Variants in STIL observed in about 807,000 individuals in gnomAD.
STIL encodes STIL centriolar assembly protein.
A neutral mutation model predicts 110.1 loss-of-function variants in STIL; 55 were observed. The observed-to-expected ratio is 0.50, with a 90% confidence interval of 0.40 to 0.63. The LOEUF is 0.63. STIL is among the 20% of genes least tolerant of loss of function. The pLI is 0.00. For synonymous variants in STIL, 481 were observed against 530.0 expected, an observed-to-expected ratio of 0.91 and a Z score of 1.27; for missense variants, 1,358 against 1,530.0, an observed-to-expected ratio of 0.89 and a Z score of 1.87.
intron 2 of STIL, among the ~76,000 whole-genome samples, chr1:47,308,427 G>GC (rs1553183457): frequency 2.0e-5 from 3 of 148,542 alleles, no homozygotes; most frequent in Non-Finnish European, 3.0e-5. Flanking sequence ...AAAGAAAATG[G>GC]AAAAAAAAAA....
rs187325507 is a variant in STIL, at chr1:47,309,016, C to A, written c.44+1260G>T. On this transcript the variant is annotated intron_variant, in intron 2 of 16. Coordinates refer to ENST00000371877, the MANE Select transcript of STIL (RefSeq NM_001048166.1). ...GCAGTGAGCCGAGATGGCGCCACTG[C>A]CCTCCAGCATAAGTGACAAAGTGAG... is the stretch of plus-strand genomic sequence containing the variant. Among the ~76,000 whole-genome samples, 31 of 151,264 alleles carry A rather than the reference C, an allele frequency of 2.0e-4. 1 individual carries two copies. In the East Asian group the frequency reaches 5.1e-3, roughly 25 times the overall value.
chr1:47,279,474 C>T (rs1645087504), intron 12 of STIL, among the ~76,000 whole-genome samples: 1 of 151,910 alleles, frequency 6.6e-6, no homozygotes, highest in Admixed American at 6.6e-5. Flanking sequence ...AAAAAGACAA[C>T]ACTTACACAC....
intron 14 of STIL, among the ~76,000 whole-genome samples, chr1:47,266,122 A>G (rs142697262): frequency 3.4e-4 from 52 of 152,222 alleles, no homozygotes; most frequent in African/African-American, 1.2e-3. Context: ...ACTCAATCTA[A>G]CATACACAAA....
intron 5 of STIL, 96 bp downstream of exon 5, chr1:47,301,465 A>T: frequency 7.5e-7 from 1 of 1,331,196 alleles, no homozygotes; most frequent in Non-Finnish European, 1.1e-6. Flanking sequence ...AAATTATTGT[A>T]AATCATTCTC....
At chr1:47,260,992 T>C in intron 15 of STIL, among the ~76,000 whole-genome samples, 1 of 152,216 alleles carries the variant, frequency 6.6e-6, no homozygotes, top group Middle Eastern at 3.2e-3. Context: ...TATTATGGTA[T>C]TATTTGCAGG....
At chr1:47,301,833 A>G in intron 4 of STIL, 85 bp from the exon 5 acceptor site, 1 of 1,289,256 alleles carries the variant, frequency 7.8e-7, no homozygotes, top group Non-Finnish European at 1.1e-6. Context: ...ATAGCAAAGC[A>G]CTTTGTTCAT....
At chr1:47,305,725 CTTT>C (rs71572652) in intron 2 of STIL, among the ~76,000 whole-genome samples, 6 of 43,430 alleles carry the variant, frequency 1.4e-4, no homozygotes, top group Middle Eastern at 0.023. Context: ...CACGCCTGGC[CTTT>C]TTTTTTTTTT....
intron 16 of STIL, among the ~76,000 whole-genome samples, chr1:47,258,063 T>C (rs1050153113): frequency 1.1e-4 from 17 of 152,188 alleles, no homozygotes; most frequent in Non-Finnish European, 2.9e-5. Context: ...AAGGAAATAA[T>C]CCTAAAACTG....
chr1:47,307,193 C>T (rs927176126), intron 2 of STIL, among the ~76,000 whole-genome samples: 10 of 152,188 alleles, frequency 6.6e-5, no homozygotes, highest in South Asian at 6.2e-4. Context: ...TGGTGGCACA[C>T]GCCTGTAATC....
At chr1:47,288,383 A>G (rs1427927944) in intron 9 of STIL, among the ~76,000 whole-genome samples, 2 of 151,348 alleles carry the variant, frequency 1.3e-5, no homozygotes, top group African/African-American at 4.9e-5. Context: ...TGCAACCTCT[A>G]CCTCCCAGGT....
At chr1:47,283,998 A>C (rs569702923) in intron 10 of STIL, 1 of 152,286 alleles carries the variant, frequency 6.6e-6, no homozygotes, top group South Asian at 2.1e-4. Context: ...TCCAAGGTTC[A>C]AGTGATTCTT....
In STIL at chr1:47,272,121, G is replaced by A. The variant is rs746327335; in HGVS notation, c.2338C>T (p.Pro780Ser). The A allele has an allele frequency of 6.2e-7, 1 of 1,614,100 alleles. No homozygotes were observed. Among genetic ancestry groups the A allele is most frequent in the Non-Finnish European group, 8.5e-7 (1 of 1,180,012 alleles). ...ELVSVEAQSS[P>S]GLHMRKGVSI... ...ACACCTTTTCTCATGTGCAAGCCAGGGGAAGACTGTGCTTCCACAGAAACC... is the reference window on the plus strand; with the variant it reads ...ACACCTTTTCTCATGTGCAAGCCAGAGGAAGACTGTGCTTCCACAGAAACC... The change falls in exon 13 of 17, where the codon CCT becomes TCT. Residue 780 changes from proline to serine, a missense_variant. Transcript: ENST00000371877.
chr1:47,264,930 T>TAAAAAAAAAAAAA (rs35230201), intron 14 of STIL, among the ~76,000 whole-genome samples: 2 of 128,848 alleles, frequency 1.6e-5, no homozygotes, highest in Non-Finnish European at 3.2e-5. Context: ...TTTCTAAAGT[T>TAAAAAAAAAAAAA]AAAAAAAAAA....
intron 8 of STIL, 64 bp downstream of exon 8, chr1:47,293,394 G>T: frequency 7.5e-7 from 1 of 1,335,940 alleles, no homozygotes; most frequent in Non-Finnish European, 1.1e-6. Flanking sequence ...TTTTAAATGG[G>T]ACCATAAACT....
intron 16 of STIL, among the ~76,000 whole-genome samples, chr1:47,256,166 A>G (rs1164387460): frequency 6.6e-6 from 1 of 152,224 alleles, no homozygotes; most frequent in Non-Finnish European, 1.5e-5. Flanking sequence ...AAAGTTAACA[A>G]TATAAGATTA....
At chr1:47,272,769 C>A (rs1644879423) in intron 12 of STIL, among the ~76,000 whole-genome samples, 1 of 152,160 alleles carries the variant, frequency 6.6e-6, no homozygotes, top group African/African-American at 2.4e-5. Flanking sequence ...AGTTGATACT[C>A]ATGTAAAAAA....
chr1:47,301,710 G>T lies in STIL; in HGVS notation c.304C>A (p.Pro102Thr). 1 of 1,613,954 alleles carries T rather than the reference G, an allele frequency of 6.2e-7. No homozygotes were observed. Among genetic ancestry groups the T allele is most frequent in the East Asian group, 2.2e-5 (1 of 44,860 alleles). The part of the protein sequence containing the change: ...GVTLTVDRFD[P>T]GREVPECLEI... ...AGGCATTCAGGTACTTCTCGACCAGGATCAAAGCGATCTACTGTCAATGTT... is the reference window on the plus strand; with the variant it reads ...AGGCATTCAGGTACTTCTCGACCAGTATCAAAGCGATCTACTGTCAATGTT... Residue 102 changes from proline to threonine, a missense_variant, in exon 5 of 17, where the codon CCT (proline) becomes ACT (threonine). Transcript: ENST00000371877.
rs746106117 is a variant in STIL, at chr1:47,251,921, C to T, written c.3082G>A (p.Val1028Met). 6.2e-7 allele frequency: 1 copy of T among 1,610,436 alleles called. No individual in the cohort carries two copies. The highest frequency in any genetic ancestry group is 1.3e-5 in the African/African-American group (1 of 74,796). The change falls in exon 17 of 17, where the codon GTG (valine) becomes ATG (methionine). Residue 1028 changes from valine (V) to methionine (M), a missense_variant and splice_region_variant. Physicochemically the swap from Val to Met is conservative, Grantham distance 21. Coordinates refer to ENST00000371877, the MANE Select transcript of STIL (RefSeq NM_001048166.1). ...GCTTCTGGGCTGATGCATGCCAACA[C>T]ACTGAAAGACACAAAGTAGTAAGCC... is the stretch of plus-strand genomic sequence containing the variant. Reference protein sequence around the residue: ...KNAHNVDHASVLACISPEAVI... With the variant: ...KNAHNVDHASMLACISPEAVI...
intron 9 of STIL, among the ~76,000 whole-genome samples, chr1:47,288,892 C>CAAAAAAAA (rs138649605): frequency 2.1e-5 from 2 of 94,782 alleles, no homozygotes; most frequent in East Asian, 2.9e-4. Context: ...AATGAAAATA[C>CAAAAAAAA]AAAAAAAAAA....
Sources: allele counts gnomAD v4.1 joint callset (sites outside exome capture counted in the v4.1 genomes callset), GRCh38; gene constraint gnomAD v4.1.1; transcripts MANE v1.5; gene names NCBI Gene and HGNC (gene_info 2026-07-23, HGNC 2026-07-21).